Variants in MIS18A observed in about 807,000 individuals in gnomAD.
The protein encoded by MIS18A is MIS18 kinetochore protein A.
Under a neutral mutation model 25.0 loss-of-function variants are expected in MIS18A, and 14 were observed. The ratio of observed to expected loss-of-function variants is 0.56; its 90% confidence interval spans 0.37 to 0.88. The LOEUF (loss-of-function observed/expected upper bound fraction) is 0.88, where lower values mean the gene tolerates loss of function less well. Among genes scored for constraint, MIS18A ranks in the 40% least tolerant of loss-of-function variants. MIS18A has a pLI of 0.00. For synonymous variants in MIS18A, 134 were observed against 118.6 expected (o/e 1.13, Z -0.84); for missense variants, 292 against 290.8 (o/e 1.00, Z -0.03).
At chr21:32,265,255 C>G (rs375096933), downstream of MIS18A, among the ~76,000 whole-genome samples, 3 of 152,208 alleles carry the variant, frequency 2.0e-5, no homozygotes, top group Non-Finnish European at 4.4e-5. Context: ...TTCAGCCCCC[C>G]ACTGCACTGT....
chr21:32,269,135 TAA>T lies in MIS18A; in HGVS notation c.622-20_622-19del, dbSNP rs1010594597. 6.6e-7 allele frequency: 1 copy of T among 1,523,132 alleles called. No homozygotes were observed. The highest frequency in any genetic ancestry group is 1.4e-5 in the African/African-American group (1 of 71,342). 94.4% of individuals were successfully genotyped at this position (1,523,132 alleles called of 1,614,324 possible). A position where few individuals can be genotyped will look rare whatever the true frequency, so the allele number is the denominator to read the frequency against. On this transcript the variant is annotated intron_variant, in intron 4 of 4. Transcript: ENST00000290130. ...TCTTCCATCTATTGAATTTAAAAAA[TAA>T]AAAAATAAAGAAACACACATATAAT...
the MIS18A span, among the ~76,000 whole-genome samples, chr21:32,186,366 C>A: frequency 1.4e-4 from 22 of 152,224 alleles, no homozygotes; most frequent in African/African-American, 5.1e-4. Context: ...TGCCCATGAG[C>A]CTGCAGGCTC....
chr21:32,240,442 C>G, the MIS18A span, among the ~76,000 whole-genome samples: 1 of 152,208 alleles, frequency 6.6e-6, no homozygotes, highest in African/African-American at 2.4e-5. Flanking sequence ...TGTTCTTGGA[C>G]TTCCCAGCCT....
the MIS18A span, among the ~76,000 whole-genome samples, chr21:32,193,445 G>T: frequency 6.6e-6 from 1 of 152,006 alleles, no homozygotes; most frequent in Non-Finnish European, 1.5e-5. Flanking sequence ...CAAGCAATCT[G>T]TGCTTGATAT....
the MIS18A span, among the ~76,000 whole-genome samples, chr21:32,164,271 G>C: frequency 6.6e-5 from 10 of 152,150 alleles, no homozygotes; most frequent in Non-Finnish European, 4.4e-5. Context: ...CAGGTGCTGG[G>C]AAGCTAGAAG....
chr21:32,268,154 G>A (rs2123461618), downstream of MIS18A: 1 of 152,272 alleles, frequency 6.6e-6, no homozygotes, highest in Non-Finnish European at 1.5e-5. Flanking sequence ...TCAGTAATGT[G>A]TGGATTTCAC....
At chr21:32,266,797 C>T (rs552712725), downstream of MIS18A, among the ~76,000 whole-genome samples, 1 of 152,260 alleles carries the variant, frequency 6.6e-6, no homozygotes, top group East Asian at 1.9e-4. Context: ...GACCAAGAAC[C>T]CACCAATTCC....
chr21:32,248,701 G>T, the MIS18A span, among the ~76,000 whole-genome samples: 1 of 152,166 alleles, frequency 6.6e-6, no homozygotes, highest in Admixed American at 6.5e-5. Context: ...AGATAGTCTG[G>T]TCTCATTGAA....
At chr21:32,165,896 A>G in the MIS18A span, among the ~76,000 whole-genome samples, 12 of 152,182 alleles carry the variant, frequency 7.9e-5, no homozygotes, top group Admixed American at 3.3e-4. Context: ...GCTAACTGCT[A>G]TTCTACAGAC....
At chr21:32,212,933 C>T in the MIS18A span, among the ~76,000 whole-genome samples, 5 of 152,204 alleles carry the variant, frequency 3.3e-5, no homozygotes, top group African/African-American at 1.2e-4. Flanking sequence ...AACCTCTTTC[C>T]TTTATAAATT....
the MIS18A span, among the ~76,000 whole-genome samples, chr21:32,257,856 T>A: frequency 2.6e-5 from 4 of 152,302 alleles, no homozygotes; most frequent in Non-Finnish European, 5.9e-5. Context: ...ATTTTTTTAA[T>A]CTGTTTCAGC....
At chr21:32,170,524 G>T in the MIS18A span, among the ~76,000 whole-genome samples, 2 of 151,958 alleles carry the variant, frequency 1.3e-5, no homozygotes, top group South Asian at 4.1e-4. Flanking sequence ...CTGAATAGAA[G>T]ATTTGAGATG....
chr21:32,200,165 G>A, the MIS18A span, among the ~76,000 whole-genome samples: 7 of 152,156 alleles, frequency 4.6e-5, no homozygotes, highest in African/African-American at 1.4e-4. Flanking sequence ...TCACTGTAGC[G>A]CAAAAGCAGC....
intron 2 of MIS18A, among the ~76,000 whole-genome samples, 170 bp downstream of exon 2, chr21:32,274,660 A>C (rs969906843): frequency 2.6e-5 from 4 of 152,198 alleles, no homozygotes; most frequent in Non-Finnish European, 5.9e-5. Context: ...TTCCTTTCTA[A>C]AACAGGATAT....
the MIS18A span, among the ~76,000 whole-genome samples, chr21:32,251,136 C>A: frequency 6.6e-6 from 1 of 152,194 alleles, no homozygotes; most frequent in Non-Finnish European, 1.5e-5. Context: ...CCCTGAAGAA[C>A]TACGAGTCAA....
At chr21:32,191,516 C>T in the MIS18A span, among the ~76,000 whole-genome samples, 3 of 152,216 alleles carry the variant, frequency 2.0e-5, no homozygotes, top group Non-Finnish European at 4.4e-5. Flanking sequence ...CATTTGAGCC[C>T]GGGAGTTCAA....
chr21:32,175,947 A>G, the MIS18A span, among the ~76,000 whole-genome samples: 3 of 152,096 alleles, frequency 2.0e-5, no homozygotes, highest in East Asian at 5.8e-4. Flanking sequence ...TAAGACACAA[A>G]CACATACATG....
the MIS18A span, among the ~76,000 whole-genome samples, chr21:32,155,936 T>A: frequency 2.5e-3 from 336 of 135,226 alleles, 1 homozygote; most frequent in African/African-American, 8.5e-3. Flanking sequence ...AAATAACCAG[T>A]GTCACCAATT....
At chr21:32,209,893 A>G in the MIS18A span, among the ~76,000 whole-genome samples, 1 of 152,206 alleles carries the variant, frequency 6.6e-6, no homozygotes, top group Non-Finnish European at 1.5e-5. Context: ...TGGAACTGTG[A>G]GTCAATTAAA....
Sources: allele counts gnomAD v4.1 joint callset (sites outside exome capture counted in the v4.1 genomes callset), GRCh38; gene constraint gnomAD v4.1.1; transcripts MANE v1.5; gene names NCBI Gene and HGNC (gene_info 2026-07-23, HGNC 2026-07-21).